The following CDH2 variants were observed in gnomAD, a reference collection of about 807,000 sequenced individuals.
The protein encoded by CDH2 is cadherin-2.
In CDH2, 17 loss-of-function variants were observed where a neutral mutation model predicts 92.0. The ratio of observed to expected loss-of-function variants is 0.18; its 90% CI spans 0.13 to 0.28. The LOEUF (loss-of-function observed/expected upper bound fraction) is 0.28, where lower values mean the gene tolerates loss of function less well. CDH2 is among the 10% of genes least tolerant of loss of function. The pLI, the probability that CDH2 is intolerant of heterozygous loss-of-function variation, is 1.00. For synonymous variants in CDH2, 419 were observed against 415.9 expected (o/e 1.01, Z -0.09); for missense variants, 862 against 1,133.1 (o/e 0.76, Z 3.44).
intron 2 of CDH2, among the ~76,000 whole-genome samples, chr18:28,025,775 G>A (rs925319916): frequency 3.4e-4 from 52 of 151,658 alleles, no homozygotes; most frequent in African/African-American, 1.2e-3. Flanking sequence ...TATAACATAG[G>A]GTAGCTATGG....
Position 27,983,044 on chromosome 18 carries a change from T to C in CDH2, c.2249A>G (p.Asp750Gly), listed in dbSNP as rs879079313. 9 of 1,612,816 alleles carry C rather than the reference T, an allele frequency of 5.6e-6. No individual in the cohort carries two copies. Among genetic ancestry groups the C allele is most frequent in the African/African-American group, 1.3e-5 (1 of 74,892 alleles). Residue 750 changes from aspartate (D) to glycine (G), a missense_variant, in exon 14 of 16, where the codon GAT becomes GGT. Asp to Gly is a moderately conservative substitution (Grantham distance 94, BLOSUM62 -1). Transcript: ENST00000269141. ...LMFVVWMKRR[D>G]KERQAKQLLI... ...AAGTTGTTTGGCCTGGCGTTCTTTA[T>C]CCCGGCGTTTCATCCATACCACAAA... is the stretch of plus-strand genomic sequence containing the variant.
intron 2 of CDH2, among the ~76,000 whole-genome samples, chr18:28,131,595 G>T (rs1471339282): frequency 2.0e-5 from 3 of 151,814 alleles, no homozygotes; most frequent in Non-Finnish European, 2.9e-5. Flanking sequence ...AAATATTATG[G>T]AAGACATTTA....
chr18:28,000,545 A>G (rs532980155), intron 7 of CDH2, among the ~76,000 whole-genome samples: 1 of 152,306 alleles, frequency 6.6e-6, no homozygotes, highest in South Asian at 2.1e-4. Context: ...GCAGAGCCAG[A>G]GTTCAAACCT....
intron 1 of CDH2, among the ~76,000 whole-genome samples, chr18:28,167,549 A>C (rs1204042150): frequency 6.6e-6 from 1 of 152,126 alleles, no homozygotes; most frequent in Admixed American, 6.5e-5. Flanking sequence ...ATATGGTTTC[A>C]CAAAGTATAA....
chr18:28,031,655 T>C (rs527862644), intron 2 of CDH2, among the ~76,000 whole-genome samples: 13 of 152,064 alleles, frequency 8.5e-5, no homozygotes, highest in Admixed American at 6.6e-4. Context: ...ATATTTGAAA[T>C]ACTGAACAAT....
chr18:28,013,653 C>A (rs776008645), intron 3 of CDH2, 30 bp downstream of exon 3: 3 of 1,520,986 alleles, frequency 2.0e-6, no homozygotes, highest in Non-Finnish European at 2.7e-6. Context: ...GATTTTTAAC[C>A]AGCCCTAAAG....
chr18:28,006,717 C>CAAAAA (rs35592550), intron 5 of CDH2, among the ~76,000 whole-genome samples: 4 of 77,616 alleles, frequency 5.2e-5, no homozygotes, highest in Non-Finnish European at 1.1e-4. Context: ...GACTCTGTCT[C>CAAAAA]AAAAAAAAAA....
At chr18:28,056,416 G>A (rs1471609047) in intron 2 of CDH2, among the ~76,000 whole-genome samples, 1 of 152,064 alleles carries the variant, frequency 6.6e-6, no homozygotes, top group Non-Finnish European at 1.5e-5. Flanking sequence ...TAGGTAATTG[G>A]CCTAGGAAAC....
At chr18:27,998,766 G>GCAC (rs1023997868) in intron 7 of CDH2, among the ~76,000 whole-genome samples, 1 of 151,890 alleles carries the variant, frequency 6.6e-6, no homozygotes, top group African/African-American at 2.4e-5. Flanking sequence ...TTACAGGCAT[G>GCAC]CACCACCACG....
rs1196582384 is a variant in CDH2, at chr18:28,011,837, C to T, written c.546+9G>A. 3.1e-6 allele frequency: 5 copies of T among 1,610,634 alleles called. No individual in the cohort carries two copies. Among genetic ancestry groups the T allele is most frequent in the African/African-American group, 1.3e-5 (1 of 74,770 alleles). ...TGGTATGAAAACAGTTAAAATTGTG[C>T]CACCTTACCCTGACAAGCTCTTGAG... On this transcript the variant is annotated intron_variant, in intron 4 of 15. Transcript: ENST00000269141.
chr18:28,132,105 T>C (rs1051050342), intron 2 of CDH2, among the ~76,000 whole-genome samples: 87 of 152,180 alleles, frequency 5.7e-4, no homozygotes, highest in African/African-American at 2.1e-3. Flanking sequence ...CTCTCTAAGG[T>C]GATACTTCCC....
At chr18:28,166,337 T>G (rs2016385037) in intron 1 of CDH2, among the ~76,000 whole-genome samples, 1 of 151,770 alleles carries the variant, frequency 6.6e-6, no homozygotes, top group Non-Finnish European at 1.5e-5. Context: ...AATCCACTGT[T>G]ATCGACGTTT....
intron 14 of CDH2, among the ~76,000 whole-genome samples, chr18:27,980,912 AC>A: frequency 6.6e-6 from 1 of 152,228 alleles, no homozygotes; most frequent in African/African-American, 2.4e-5. Context: ...GATGAGTTTT[AC>A]CACTTAATCT....
intron 3 of CDH2, 66 bp downstream of exon 3, chr18:28,013,617 A>G (rs1217195947): frequency 4.5e-6 from 5 of 1,106,668 alleles, no homozygotes; most frequent in Non-Finnish European, 5.5e-6. Context: ...AGCAAAGCAT[A>G]TATTTAGTTC....
intron 8 of CDH2, 138 bp downstream of exon 8, chr18:27,993,362 G>T: frequency 1.2e-6 from 1 of 802,756 alleles, no homozygotes; most frequent in Non-Finnish European, 2.0e-6. Flanking sequence ...CCTGATGACA[G>T]AAATGTCCGA....
intron 2 of CDH2, among the ~76,000 whole-genome samples, chr18:28,064,697 CA>C (rs2014473638): frequency 6.7e-6 from 1 of 148,992 alleles, no homozygotes; most frequent in Admixed American, 6.7e-5. Flanking sequence ...CCCTATTTAA[CA>C]AAAGTATGAA....
intron 14 of CDH2, among the ~76,000 whole-genome samples, chr18:27,979,693 G>C (rs2011975196): frequency 6.6e-6 from 1 of 152,190 alleles, no homozygotes; most frequent in African/African-American, 2.4e-5. Flanking sequence ...TTGAGTAATA[G>C]AAGCCAGATG....
At chr18:27,993,704 G>T in intron 7 of CDH2, 67 bp from the exon 8 acceptor site, 2 of 1,221,524 alleles carry the variant, frequency 1.6e-6, no homozygotes, top group Non-Finnish European at 2.4e-6. Flanking sequence ...CAGTTGTTCT[G>T]TAAACGGCTC....
At chr18:27,964,001 T>C (rs543475657) in intron 14 of CDH2, among the ~76,000 whole-genome samples, 1 of 152,308 alleles carries the variant, frequency 6.6e-6, no homozygotes, top group South Asian at 2.1e-4. Flanking sequence ...CAGAAAACTA[T>C]GATCTCTGGG....
Sources: allele counts gnomAD v4.1 joint callset (sites outside exome capture counted in the v4.1 genomes callset), GRCh38; gene constraint gnomAD v4.1.1; transcripts MANE v1.5; gene names NCBI Gene and HGNC (gene_info 2026-07-23, HGNC 2026-07-21).